Variants in KIAA1755 observed in about 807,000 individuals in gnomAD.
KIAA1755 encodes KIAA1755.
In KIAA1755, 68 loss-of-function variants were observed where a neutral mutation model predicts 91.7. The observed-to-expected ratio is 0.74, with a 90% CI of 0.61 to 0.91. The LOEUF (loss-of-function observed/expected upper bound fraction) is 0.91, where lower values mean the gene tolerates loss of function less well. Ranked by LOEUF, KIAA1755 falls within the 40% of genes least tolerant of loss-of-function variation. The pLI, the probability that KIAA1755 is intolerant of heterozygous loss-of-function variation, is 0.00. For synonymous variants in KIAA1755, 610 were observed against 604.6 expected, an observed-to-expected ratio of 1.01 and a Z score of -0.13; for missense variants, 1,535 against 1,494.4, an observed-to-expected ratio of 1.03 and a Z score of -0.45.
Position 38,260,545 on chromosome 20 carries a change from C to T in KIAA1755, c.-45G>A. 6.8e-7 allele frequency: 1 copy of T among 1,478,846 alleles called. No individual in the cohort carries two copies. The highest frequency in any genetic ancestry group is 8.9e-7 in the Non-Finnish European group (1 of 1,117,920). The allele number at this position is 1,478,846 out of a possible 1,614,324, so 91.6% of individuals were successfully genotyped here. ...CGGGCGGCGCGGCTCCTCTCCTGGG[C>T]GCGGGGTCTGTGGGTCCGCGGGTCC... is the stretch of plus-strand genomic sequence containing the variant. On this transcript the variant is annotated 5_prime_UTR_variant, in exon 1 of 14. Transcript: ENST00000279024.
At chr20:38,245,357 T>C (rs2076138888) in intron 2 of KIAA1755, among the ~76,000 whole-genome samples, 1 of 152,240 alleles carries the variant, frequency 6.6e-6, no homozygotes, top group Non-Finnish European at 1.5e-5. Context: ...AGGGATTTGA[T>C]CAGTGGATCA....
intron 4 of KIAA1755, among the ~76,000 whole-genome samples, chr20:38,232,821 T>A (rs1383087627): frequency 6.6e-6 from 1 of 151,780 alleles, no homozygotes; most frequent in Non-Finnish European, 1.5e-5. Context: ...GACATTCTTT[T>A]TCATTTTGTT....
intron 1 of KIAA1755, among the ~76,000 whole-genome samples, chr20:38,248,020 G>A (rs2076186671): frequency 6.6e-6 from 1 of 152,162 alleles, no homozygotes; most frequent in Non-Finnish European, 1.5e-5. Context: ...TTGAGGTCAG[G>A]AGTTCAAGGC....
chr20:38,257,023 A>G (rs2076350591), intron 1 of KIAA1755, among the ~76,000 whole-genome samples: 2 of 152,054 alleles, frequency 1.3e-5, no homozygotes, highest in Admixed American at 1.3e-4. Context: ...CCCTGGACTG[A>G]GCAACCTCCT....
rs1200891099 is a variant in KIAA1755, at chr20:38,211,716, C to T, written c.*1326G>A. 2 of 152,224 alleles carry T rather than the reference C, an allele frequency of 1.3e-5. No homozygotes were observed. Among genetic ancestry groups the T allele is most frequent in the Non-Finnish European group, 2.9e-5 (2 of 68,070 alleles). 9.4% of individuals were successfully genotyped at this position (152,224 alleles called of 1,614,324 possible). A position where few individuals can be genotyped will look rare whatever the true frequency, so the allele number is the denominator to read the frequency against. ...GAGGATTCTCTCTGGAGGACAAGGA[C>T]AAGGTTCCACAGGGTTCCTTGAACT... is the stretch of plus-strand genomic sequence containing the variant. On this transcript the variant is annotated 3_prime_UTR_variant, in exon 14 of 14. Coordinates refer to ENST00000279024, the MANE Select transcript of KIAA1755 (RefSeq NM_001029864.2).
rs868785511 is a variant in KIAA1755, at chr20:38,225,668, G to A, written c.2166C>T (p.Phe722=). 2 of 1,603,728 alleles carry A rather than the reference G, an allele frequency of 1.2e-6. No homozygotes were observed. The highest frequency in any genetic ancestry group is 1.7e-6 in the Non-Finnish European group (2 of 1,170,536). ...TAAAGGCTGTGACGGTAAACACCTGGAAGAAATGAACCCACTCGGTGTGGC... is the reference window on the plus strand; with the variant it reads ...TAAAGGCTGTGACGGTAAACACCTGAAAGAAATGAACCCACTCGGTGTGGC... ...PYCHTEWVHF[F]QKLDPFLADL... is the part of the protein sequence containing the mutation. Residue 722 remains phenylalanine (F), a synonymous_variant, in exon 8 of 14, where the codon TTC becomes TTT. Coordinates refer to ENST00000279024, the MANE Select transcript of KIAA1755 (RefSeq NM_001029864.2).
chr20:38,214,602 C>G (rs1028891749), intron 13 of KIAA1755, among the ~76,000 whole-genome samples: 2 of 152,222 alleles, frequency 1.3e-5, no homozygotes, highest in African/African-American at 4.8e-5. Flanking sequence ...CACCTCTGAT[C>G]TGTCCTCCAA....
chr20:38,222,834 G>C (rs775519922), intron 9 of KIAA1755: 9 of 594,264 alleles, frequency 1.5e-5, no homozygotes, highest in Non-Finnish European at 2.4e-5. Flanking sequence ...CAGCCTCTTC[G>C]CTGATCTCCC....
chr20:38,259,877 T>G (rs2076414630), intron 1 of KIAA1755, among the ~76,000 whole-genome samples: 1 of 149,336 alleles, frequency 6.7e-6, no homozygotes, highest in African/African-American at 2.5e-5. Context: ...GTCTCAACTT[T>G]TTTCAAGGTT....
intron 1 of KIAA1755, among the ~76,000 whole-genome samples, chr20:38,249,902 C>T (rs1427634194): frequency 6.6e-6 from 1 of 152,138 alleles, no homozygotes; most frequent in East Asian, 1.9e-4. Context: ...TCCCTCCCTC[C>T]TCTCTCCTGA....
At chr20:38,216,998 T>A in intron 13 of KIAA1755, 1 of 668,776 alleles carries the variant, frequency 1.5e-6, no homozygotes, top group Non-Finnish European at 2.7e-6. Context: ...TTTTTTCCTG[T>A]TACAAGACTT....
chr20:38,235,380 T>C (rs1022145400), intron 4 of KIAA1755, among the ~76,000 whole-genome samples: 1 of 152,146 alleles, frequency 6.6e-6, no homozygotes, highest in Admixed American at 6.5e-5. Context: ...TATGTTACCT[T>C]ACATGGCAAA....
At chr20:38,245,227 C>G (rs1408497500) in intron 2 of KIAA1755, among the ~76,000 whole-genome samples, 1 of 152,118 alleles carries the variant, frequency 6.6e-6, no homozygotes, top group Non-Finnish European at 1.5e-5. Context: ...ATTTTCCTCT[C>G]TAGGATAGAA....
chr20:38,234,632 G>A (rs572363534), intron 4 of KIAA1755, among the ~76,000 whole-genome samples: 40 of 152,252 alleles, frequency 2.6e-4, no homozygotes, highest in African/African-American at 8.9e-4. Context: ...CCAAGGTCAC[G>A]CTGATGTAGG....
chr20:38,238,663 T>C (rs1389515791), intron 4 of KIAA1755, among the ~76,000 whole-genome samples: 1 of 152,214 alleles, frequency 6.6e-6, no homozygotes, highest in Non-Finnish European at 1.5e-5. Context: ...TGATAACCTG[T>C]TGGCTTTTCC....
At chr20:38,221,258 G>A (rs2075653810) in intron 10 of KIAA1755, among the ~76,000 whole-genome samples, 1 of 152,238 alleles carries the variant, frequency 6.6e-6, no homozygotes, top group Non-Finnish European at 1.5e-5. Flanking sequence ...AGCAGCTCAT[G>A]TGGGACCACA....
Position 38,231,583 on chromosome 20 carries a change from A to G in KIAA1755, c.1748-258T>C, listed in dbSNP as rs547293557. On this transcript the variant is annotated intron_variant, in intron 4 of 13. Coordinates refer to ENST00000279024, the MANE Select transcript of KIAA1755 (RefSeq NM_001029864.2). ...TAAGATACGTGGGCAGGCAAAGCTCATGGCATGAGCTCTGGGGTCACACAG... is the reference window on the plus strand; with the variant it reads ...TAAGATACGTGGGCAGGCAAAGCTCGTGGCATGAGCTCTGGGGTCACACAG... Among the ~76,000 whole-genome samples, 9 of 152,304 alleles carry G rather than the reference A, an allele frequency of 5.9e-5. No individual in the cohort carries two copies. In the South Asian group the frequency reaches 1.9e-3, roughly 32 times the overall value.
At chr20:38,235,008 C>T (rs148338348) in intron 4 of KIAA1755, among the ~76,000 whole-genome samples, 180 of 152,098 alleles carry the variant, frequency 1.2e-3, no homozygotes, top group African/African-American at 4.0e-3. Flanking sequence ...TCGGGGTTGC[C>T]CAAAGTTGCT....
intron 1 of KIAA1755, among the ~76,000 whole-genome samples, chr20:38,259,310 T>C (rs2123373575): frequency 6.6e-6 from 1 of 152,236 alleles, no homozygotes; most frequent in South Asian, 2.1e-4. Flanking sequence ...GCAATATGTC[T>C]GTGGTGTGTA....
Sources: gnomAD v4.1 joint callset for allele counts (sites outside exome capture counted in the v4.1 genomes callset) on GRCh38, gnomAD v4.1.1 for gene constraint, MANE v1.5 for transcripts, NCBI Gene and HGNC (gene_info 2026-07-23, HGNC 2026-07-21) for gene names.